The following ANKRD28 variants were observed in gnomAD, a reference collection of about 807,000 sequenced individuals.
The protein encoded by ANKRD28 is serine/threonine-protein phosphatase 6 regulatory ankyrin repeat subunit A.
Under a neutral mutation model 126.5 loss-of-function variants are expected in ANKRD28, and 44 were observed. The observed-to-expected ratio is 0.35, with a 90% CI of 0.27 to 0.45. The LOEUF (loss-of-function observed/expected upper bound fraction) is 0.45, where lower values mean the gene tolerates loss of function less well. Among genes scored for constraint, ANKRD28 ranks in the 20% least tolerant of loss-of-function variants. The probability of loss-of-function intolerance (pLI) is 1.00; values close to 1 mark genes in which losing one functional copy is unlikely to be tolerated. For synonymous variants in ANKRD28, 442 were observed against 468.5 expected, an observed-to-expected ratio of 0.94 and a Z score of 0.73; for missense variants, 1,110 against 1,316.6, an observed-to-expected ratio of 0.84 and a Z score of 2.43.
intron 6 of ANKRD28, chr3:15,732,556 T>C (rs556475262): frequency 1.3e-5 from 2 of 152,374 alleles, no homozygotes; most frequent in South Asian, 2.1e-4. Flanking sequence ...ACATATGGTA[T>C]TGGTCCCTGC....
intron 9 of ANKRD28, 79 bp from the exon 10 acceptor site, chr3:15,713,720 A>G (rs1273620373): frequency 1.1e-6 from 1 of 903,838 alleles, no homozygotes; most frequent in Non-Finnish European, 1.7e-6. Flanking sequence ...GTAATAAAAA[A>G]TGCTGTTCAC....
chr3:15,826,928 T>G (rs570595675), intron 1 of ANKRD28, among the ~76,000 whole-genome samples: 13 of 152,334 alleles, frequency 8.5e-5, no homozygotes, highest in African/African-American at 3.1e-4. Flanking sequence ...AAGTACGGTA[T>G]GCCTGTAGGT....
chr3:15,738,961 A>G (rs550085670), intron 4 of ANKRD28, among the ~76,000 whole-genome samples: 1 of 152,326 alleles, frequency 6.6e-6, no homozygotes, highest in African/African-American at 2.4e-5. Flanking sequence ...GCTGAGAAAA[A>G]GAATTCAGCG....
At chr3:15,708,136 T>G (rs1343442403) in intron 13 of ANKRD28, 72 bp from the exon 14 acceptor site, 1 of 1,480,976 alleles carries the variant, frequency 6.8e-7, no homozygotes, top group Non-Finnish European at 9.2e-7. Flanking sequence ...CATAGTTGAC[T>G]CTTACTCCTC....
rs190380279 is a variant in ANKRD28, at chr3:15,720,897, T to C, written c.996+18A>G. On this transcript the variant is annotated intron_variant, in intron 8 of 27. Transcript: ENST00000683139. ...AGTGACATATGAAATACTTATAGATTCTGATTTTGTTCCTTACCTTCATAT... is the reference window on the plus strand; with the variant it reads ...AGTGACATATGAAATACTTATAGATCCTGATTTTGTTCCTTACCTTCATAT... 167 of 1,607,002 alleles carry C rather than the reference T, an allele frequency of 1.0e-4. 2 individuals are homozygous for C. In the African/African-American group the frequency reaches 1.8e-3, roughly 18 times the overall value.
chr3:15,766,431 T>C (rs2058741219), intron 2 of ANKRD28, 119 bp from the exon 3 acceptor site: 1 of 694,314 alleles, frequency 1.4e-6, no homozygotes. Context: ...TATCAACTTA[T>C]TACTTCTATA....
intron 15 of ANKRD28, among the ~76,000 whole-genome samples, chr3:15,695,768 T>C (rs1354534119): frequency 6.6e-6 from 1 of 152,150 alleles, no homozygotes; most frequent in East Asian, 1.9e-4. Context: ...CCTTTTGGAA[T>C]TCCCTAAATA....
At chr3:15,808,405 C>G (rs1454823760) in intron 1 of ANKRD28, among the ~76,000 whole-genome samples, 1 of 152,128 alleles carries the variant, frequency 6.6e-6, no homozygotes, top group East Asian at 1.9e-4. Context: ...GGCTTTCTAC[C>G]TCAGAGAGGA....
At position 15,796,763 on chromosome 3, in the gene ANKRD28, T is replaced by C; in HGVS notation, c.-242A>G. ...TATTATTTCTGTTGGATTACTGCAA[T>C]ACTTAAGAAGAAATTTCACACCAAC... On this transcript the variant is annotated 5_prime_UTR_variant, in exon 1 of 28. Transcript: ENST00000683139. 1 of 988,500 alleles carries C rather than the reference T, an allele frequency of 1.0e-6. No individual in the cohort carries two copies. Among genetic ancestry groups the C allele is most frequent in the Non-Finnish European group, 1.2e-6 (1 of 831,402 alleles). The allele number at this position is 988,500 out of a possible 1,614,324, so 61.2% of individuals were successfully genotyped here. A position where few individuals can be genotyped will look rare whatever the true frequency, so the allele number is the denominator to read the frequency against.
chr3:15,718,490 C>T lies in ANKRD28; in HGVS notation c.996+2425G>A, dbSNP rs150020849. ...TACTCTAAGTGGGCCTCTTAGAGGA[C>T]TGATTCTCAATTCTACATTTCAAAA... On this transcript the variant is annotated intron_variant, in intron 8 of 27. Coordinates refer to ENST00000683139, the MANE Select transcript of ANKRD28 (RefSeq NM_001349278.2). Among the ~76,000 whole-genome samples, 717 of 152,278 alleles carry T rather than the reference C, an allele frequency of 4.7e-3. 9 individuals carry two copies. Among genetic ancestry groups the T allele is most frequent in the African/African-American group, 0.016 (681 of 41,560 alleles).
At position 15,750,448 on chromosome 3, in the gene ANKRD28, G is replaced by A. The variant is rs576065380; in HGVS notation, c.351+1302C>T. Among the ~76,000 whole-genome samples the A allele has an allele frequency of 5.3e-5, 8 of 152,230 alleles. No homozygotes were observed. In the South Asian group the frequency reaches 6.2e-4, roughly 12 times the overall value. On this transcript the variant is annotated intron_variant, in intron 4 of 27. Transcript: ENST00000683139. ...ACATCGCACAGCTGAAAAGTTGCAC[G>A]TAATAATTGAAGCCAGTGTCTCCAA... is the stretch of plus-strand genomic sequence containing the variant.
rs201631150 is a variant in ANKRD28 at position 15,721,045 on chromosome 3, A to G, written c.866T>C (p.Ile289Thr). Residue 289 changes from isoleucine (I) to threonine (T), a missense_variant, in exon 8 of 28, where the codon ATA (isoleucine) becomes ACA (threonine). Ile to Thr is a moderately conservative substitution (Grantham distance 89). Transcript: ENST00000683139. ...TTGATTCACAATAGCACCACAGTCT[A>G]TAAGTTCATTCACTACAACATCTTG... ...NGQDVVVNEL[I>T]DCGAIVNQKN... 399 of 1,613,938 alleles carry G rather than the reference A, an allele frequency of 2.5e-4. No homozygotes were observed. Among genetic ancestry groups the G allele is most frequent in the Middle Eastern group, 1.8e-3 (11 of 6,060 alleles).
At chr3:15,850,204 A>AAATATATATATAT (rs1486394619) in intron 1 of ANKRD28, among the ~76,000 whole-genome samples, 47 of 54,812 alleles carry the variant, frequency 8.6e-4, no homozygotes, top group Admixed American at 1.2e-3. Flanking sequence ...AAAAAAAAAA[A>AAATATATATATAT]ATATATATAT....
chr3:15,772,811 T>C (rs986565571), intron 2 of ANKRD28, among the ~76,000 whole-genome samples: 2 of 152,136 alleles, frequency 1.3e-5, no homozygotes, highest in Non-Finnish European at 2.9e-5. Flanking sequence ...CTCAGCCTCC[T>C]GAGTAGCTGA....
chr3:15,727,739 A>T (rs2074285528), intron 6 of ANKRD28, among the ~76,000 whole-genome samples: 1 of 152,174 alleles, frequency 6.6e-6, no homozygotes, highest in Non-Finnish European at 1.5e-5. Context: ...TGGTAGAAAT[A>T]GCAAGAGAAC....
rs2061458980 is a variant in ANKRD28 at position 15,843,182 on chromosome 3, T to C, written c.27+16195A>G. Among the ~76,000 whole-genome samples, 1 of 152,098 alleles carries C rather than the reference T, an allele frequency of 6.6e-6. No homozygotes were observed. Among genetic ancestry groups the C allele is most frequent in the Non-Finnish European group, 1.5e-5 (1 of 68,018 alleles). The stretch of plus-strand genomic sequence containing the variant: ...TAGCAGGCACATCACATGGTGAAAG[T>C]AGGAGCAAGACAGATCAAGTGGCGA... On this transcript the variant is annotated intron_variant, in intron 1 of 27. Transcript: ENST00000399451. The surrounding 1 kb of genome is among the most constrained non-coding windows in gnomAD (Gnocchi z 5.2).
At chr3:15,762,214 CAAAACAAAAAA>C (rs2058514787) in intron 3 of ANKRD28, among the ~76,000 whole-genome samples, 1 of 52,564 alleles carries the variant, frequency 1.9e-5, no homozygotes, top group Non-Finnish European at 5.6e-5. Flanking sequence ...AAAAAAAAAA[CAAAACAAAAAA>C]AAAAAAACTC....
chr3:15,728,426 T>C (rs1402992981), intron 6 of ANKRD28, among the ~76,000 whole-genome samples: 1 of 152,152 alleles, frequency 6.6e-6, no homozygotes, highest in Non-Finnish European at 1.5e-5. Flanking sequence ...TCTGAGTAGC[T>C]AGGACTACAG....
In ANKRD28 at chr3:15,846,422, C is replaced by T. The variant is rs1191546818; in HGVS notation, c.27+12955G>A. Among the ~76,000 whole-genome samples the T allele has an allele frequency of 2.0e-5, 3 of 152,238 alleles. No homozygotes were observed. The highest frequency in any genetic ancestry group is 7.2e-5 in the African/African-American group (3 of 41,458). ...AGAGGTGAGCTCTCAAGGCCTTGGG[C>T]AGCTCTGCCCCTGTGGCTCTGCAGG... On this transcript the variant is annotated intron_variant, in intron 1 of 27. Coordinates refer to the ANKRD28 transcript ENST00000399451. This position sits in a 1 kb window ranked among gnomAD's most constrained non-coding sequence, Gnocchi z 5.4.
Sources: gnomAD v4.1 joint callset for allele counts (sites outside exome capture counted in the v4.1 genomes callset) on GRCh38, gnomAD v4.1.1 for gene constraint, Gnocchi (gnomAD v3.1) non-coding constraint, MANE v1.5 for transcripts, NCBI Gene and HGNC (gene_info 2026-07-23, HGNC 2026-07-21) for gene names.